SLC60A1: variants seen among roughly 807,000 people sequenced by gnomAD.
SLC60A1 encodes the protein solute carrier family 60 member 1.
chr1:205,588,342 T>A, the SLC60A1 span, among the ~76,000 whole-genome samples: 1 of 151,912 alleles, frequency 6.6e-6, no homozygotes. Flanking sequence ...TGGTGGCGCC[T>A]GCCTGTAATC....
the SLC60A1 span, among the ~76,000 whole-genome samples, chr1:205,587,916 A>G: frequency 0.02 from 3,018 of 152,244 alleles, 102 homozygotes; most frequent in African/African-American, 0.067. Flanking sequence ...GGGTTTGGGA[A>G]AATAAAGGTC....
At chr1:205,586,206 T>C in the SLC60A1 span, 1 of 1,613,178 alleles carries the variant, frequency 6.2e-7, no homozygotes. Flanking sequence ...TTCATCAACG[T>C]GGTAAGCAGC....
the SLC60A1 span, chr1:205,579,591 T>G: frequency 1.3e-4 from 98 of 772,444 alleles, no homozygotes; most frequent in East Asian, 2.6e-3. Context: ...TTTGACAACT[T>G]GCCCACAGCT....
At chr1:205,596,108 C>A in the SLC60A1 span, among the ~76,000 whole-genome samples, 3 of 152,066 alleles carry the variant, frequency 2.0e-5, no homozygotes, top group South Asian at 6.2e-4. Context: ...AATGTGAAGT[C>A]CAGAGTAGAC....
At chr1:205,593,271 C>T in the SLC60A1 span, among the ~76,000 whole-genome samples, 3 of 151,778 alleles carry the variant, frequency 2.0e-5, no homozygotes, top group African/African-American at 7.3e-5. Context: ...GAGATCGAGA[C>T]CATCCTAGCT....
At chr1:205,599,282 G>T in the SLC60A1 span, 2 of 1,611,376 alleles carry the variant, frequency 1.2e-6, no homozygotes, top group Non-Finnish European at 1.7e-6. Context: ...TACACAAGAG[G>T]AGGAAAACAG....
At chr1:205,576,541 A>G in the SLC60A1 span, among the ~76,000 whole-genome samples, 2 of 152,318 alleles carry the variant, frequency 1.3e-5, no homozygotes, top group African/African-American at 4.8e-5. Flanking sequence ...AGAACCCAGT[A>G]TTCTGATTCC....
chr1:205,574,716 G>T, the SLC60A1 span, among the ~76,000 whole-genome samples: 1 of 152,140 alleles, frequency 6.6e-6, no homozygotes, highest in African/African-American at 2.4e-5. Flanking sequence ...ACTCTTGCGC[G>T]ACAGGAGAGA....
chr1:205,582,970 C>T, the SLC60A1 span, among the ~76,000 whole-genome samples: 1 of 152,204 alleles, frequency 6.6e-6, no homozygotes, highest in East Asian at 1.9e-4. Flanking sequence ...TATCCTATGC[C>T]TCTCCCGTGG....
the SLC60A1 span, chr1:205,580,636 C>CCCCCCCCCTCT: frequency 6.3e-7 from 1 of 1,581,666 alleles, no homozygotes. This position sits in a 1 kb window ranked among gnomAD's most constrained non-coding sequence, Gnocchi z 5.0. Context: ...CCCACCCCCA[C>CCCCCCCCCTCT]CCGCCACCTC....
the SLC60A1 span, chr1:205,569,073 G>T: frequency 6.7e-7 from 1 of 1,488,640 alleles, no homozygotes; most frequent in Non-Finnish European, 9.0e-7. Context: ...CTGCGCCATG[G>T]GCTGCGACGG....
chr1:205,569,703 CG>C, the SLC60A1 span, among the ~76,000 whole-genome samples: 25 of 152,070 alleles, frequency 1.6e-4, no homozygotes, highest in African/African-American at 5.8e-4. Flanking sequence ...TCAGTAGCCC[CG>C]GCTGCCGGGG....
chr1:205,570,931 C>CA, the SLC60A1 span, among the ~76,000 whole-genome samples: 7 of 152,144 alleles, frequency 4.6e-5, no homozygotes, highest in Admixed American at 1.3e-4. Context: ...TTTGTGAAGC[C>CA]AGCAGAGATG....
At chr1:205,584,861 C>G in the SLC60A1 span, 1 of 1,611,448 alleles carries the variant, frequency 6.2e-7, no homozygotes, top group Non-Finnish European at 8.5e-7. Context: ...CCTGTTCTTC[C>G]TGTGCCTCCT....
At chr1:205,589,513 C>A in the SLC60A1 span, among the ~76,000 whole-genome samples, 1 of 152,174 alleles carries the variant, frequency 6.6e-6, no homozygotes, top group Non-Finnish European at 1.5e-5. Flanking sequence ...TTTTGCATCT[C>A]ACAGATACAT....
At chr1:205,586,751 C>T in the SLC60A1 span, among the ~76,000 whole-genome samples, 23 of 151,278 alleles carry the variant, frequency 1.5e-4, no homozygotes, top group African/African-American at 5.6e-4. Context: ...GGATGGAGCA[C>T]AGTGGTGTGA....
chr1:205,597,373 G>GTTTTTTGT, the SLC60A1 span, among the ~76,000 whole-genome samples: 5 of 37,230 alleles, frequency 1.3e-4, no homozygotes, highest in Non-Finnish European at 7.0e-5. Flanking sequence ...AACCTAGGTT[G>GTTTTTTGT]TTTTTTTTTT....
the SLC60A1 span, among the ~76,000 whole-genome samples, chr1:205,588,632 C>T: frequency 1.3e-4 from 20 of 152,136 alleles, no homozygotes; most frequent in African/African-American, 4.3e-4. Context: ...AGCTGAGTGG[C>T]CCTGAGCAAG....
At chr1:205,574,642 A>G in the SLC60A1 span, among the ~76,000 whole-genome samples, 1 of 152,210 alleles carries the variant, frequency 6.6e-6, no homozygotes, top group Non-Finnish European at 1.5e-5. Context: ...AGAGTGGCAC[A>G]TTTTGGGGGC....
Sources: allele counts gnomAD v4.1 joint callset (sites outside exome capture counted in the v4.1 genomes callset), GRCh38; gene constraint gnomAD v4.1.1; non-coding constraint Gnocchi (gnomAD v3.1); transcripts MANE v1.5; gene names NCBI Gene and HGNC (gene_info 2026-07-23, HGNC 2026-07-21).